Variants in CSRP1 observed in about 807,000 individuals in gnomAD.
CSRP1 encodes cysteine and glycine rich protein 1.
CSRP1 carries 16 observed loss-of-function variants against 25.4 expected under a neutral mutation model. The observed-to-expected ratio is 0.63, with a 90% CI of 0.43 to 0.96. The LOEUF is 0.96. Among genes scored for constraint, CSRP1 ranks in the 40% least tolerant of loss-of-function variants. The probability of loss-of-function intolerance (pLI) is 0.00; values close to 1 mark genes in which losing one functional copy is unlikely to be tolerated. For synonymous variants in CSRP1, 97 were observed against 95.3 expected, an observed-to-expected ratio of 1.02 and a Z score of -0.10; for missense variants, 212 against 243.6, an observed-to-expected ratio of 0.87 and a Z score of 0.86.
Position 201,484,795 on chromosome 1 carries a change from G to A in CSRP1, c.506-6C>T. ...GAAGTTTTTAGCATAACATCCTGCA[G>A]AGAGAGGAGAGAGATAAGGGCATGT... On this transcript the variant is annotated splice_polypyrimidine_tract_variant and splice_region_variant and intron_variant, in intron 5 of 5. Transcript: ENST00000340006. 5 of 1,609,574 alleles carry A rather than the reference G, an allele frequency of 3.1e-6. No homozygotes were observed. Among genetic ancestry groups the A allele is most frequent in the Non-Finnish European group, 3.4e-6 (4 of 1,178,704 alleles).
intron 1 of CSRP1, among the ~76,000 whole-genome samples, chr1:201,500,961 T>G (rs950254447): frequency 2.0e-5 from 3 of 152,224 alleles, no homozygotes; most frequent in African/African-American, 7.2e-5. Flanking sequence ...GAGTTCAGGC[T>G]GTACAGGTCA....
chr1:201,490,353 G>T lies in CSRP1; in HGVS notation c.113-9C>A. 1.9e-6 allele frequency: 3 copies of T among 1,612,262 alleles called. No individual in the cohort carries two copies. In the South Asian group the frequency reaches 3.3e-5, roughly 18 times the overall value. On this transcript the variant is annotated splice_polypyrimidine_tract_variant and intron_variant, in intron 2 of 5. Transcript: ENST00000340006. ...ATTCTTCTTGCAGACCACTGTGGAG[G>T]GGAAGGGGAAGCGGACGCATTGAGT...
At chr1:201,490,691 T>C (rs1018764846) in intron 2 of CSRP1, 1 of 194,026 alleles carries the variant, frequency 5.2e-6, no homozygotes, top group Non-Finnish European at 1.1e-5. Flanking sequence ...ACAGGACGCC[T>C]GTTGAGGTTC....
At chr1:201,488,590 T>G (rs1392300647) in intron 4 of CSRP1, 1 of 296,418 alleles carries the variant, frequency 3.4e-6, no homozygotes, top group African/African-American at 2.1e-5. Context: ...TTCTCCTATA[T>G]TAGAGATACA....
chr1:201,496,137 G>A, intron 2 of CSRP1, 55 bp downstream of exon 2: 2 of 1,379,372 alleles, frequency 1.4e-6, no homozygotes, highest in East Asian at 4.6e-5. Context: ...GCCTGTGGGG[G>A]CAGGCCCGTC....
At chr1:201,491,236 G>C (rs530320625) in intron 2 of CSRP1, 1 of 152,268 alleles carries the variant, frequency 6.6e-6, no homozygotes, top group South Asian at 2.1e-4. Context: ...TTTGAGATCA[G>C]CCTGGGGAAG....
intron 1 of CSRP1, 81 bp from the exon 2 acceptor site, chr1:201,496,385 G>T: frequency 8.5e-7 from 1 of 1,178,706 alleles, no homozygotes; most frequent in Non-Finnish European, 1.3e-6. Context: ...AAATGCAACA[G>T]CCAGATCCAG....
intron 1 of CSRP1, among the ~76,000 whole-genome samples, chr1:201,501,767 C>CG (rs1664676049): frequency 6.6e-6 from 1 of 151,992 alleles, no homozygotes; most frequent in African/African-American, 2.4e-5. Context: ...CTGAGGCAGG[C>CG]GGATCACTTG....
intron 1 of CSRP1, among the ~76,000 whole-genome samples, chr1:201,502,699 T>C (rs1233112622): frequency 3.9e-5 from 6 of 152,212 alleles, no homozygotes; most frequent in Non-Finnish European, 8.8e-5. Flanking sequence ...TCAGGAATCC[T>C]TCTCTCTATT....
intron 4 of CSRP1, 184 bp downstream of exon 4, chr1:201,488,671 G>C: frequency 1.7e-6 from 1 of 576,486 alleles, no homozygotes; most frequent in South Asian, 2.1e-5. Context: ...GCTCATGGCT[G>C]ATATGAGCTC....
At chr1:201,499,323 CCTTCCCCAGATGGAGGAACAGAGCCT>C (rs1361239889) in intron 1 of CSRP1, among the ~76,000 whole-genome samples, 1 of 152,194 alleles carries the variant, frequency 6.6e-6, no homozygotes, top group Non-Finnish European at 1.5e-5. Context: ...GGGAGATGCC[CCTTCCCCAGATGGAGGAACAGAGCCT>C]CTGTCCCCTA....
At chr1:201,494,843 T>C (rs34238424) in intron 2 of CSRP1, among the ~76,000 whole-genome samples, 42,784 of 120,446 alleles carry the variant, frequency 0.36, 6,344 homozygotes, top group East Asian at 0.63. Context: ...TGTGTGTGCG[T>C]GTGCACGTGT....
chr1:201,493,268 A>C (rs1448228467), intron 2 of CSRP1, among the ~76,000 whole-genome samples: 2 of 152,142 alleles, frequency 1.3e-5, no homozygotes, highest in Non-Finnish European at 2.9e-5. Context: ...CTATGACATC[A>C]TCATGTCTTC....
chr1:201,501,518 G>A (rs1401210712), intron 1 of CSRP1, among the ~76,000 whole-genome samples: 1 of 152,214 alleles, frequency 6.6e-6, no homozygotes, highest in Non-Finnish European at 1.5e-5. Context: ...CTAGAAGCCT[G>A]CTGTGTCTGC....
chr1:201,504,549 C>T (rs892918694), intron 1 of CSRP1, among the ~76,000 whole-genome samples: 2 of 151,866 alleles, frequency 1.3e-5, no homozygotes, highest in African/African-American at 4.9e-5. Context: ...ATCTAGCAAG[C>T]CAACGTTTCA....
At chr1:201,501,569 C>T (rs1664670084) in intron 1 of CSRP1, among the ~76,000 whole-genome samples, 1 of 152,244 alleles carries the variant, frequency 6.6e-6, no homozygotes, top group East Asian at 1.9e-4. Flanking sequence ...TAGGACTGTA[C>T]CCAGATCCCC....
Position 201,484,411 on chromosome 1 carries a change from G to A in CSRP1, c.*302C>T. 1.9e-6 allele frequency: 1 copy of A among 515,342 alleles called. No homozygotes were observed. The highest frequency in any genetic ancestry group is 3.5e-6 in the Non-Finnish European group (1 of 288,078). The allele number at this position is 515,342 out of a possible 1,614,324, so 31.9% of individuals were successfully genotyped here. A position where few individuals can be genotyped will look rare whatever the true frequency, so the allele number is the denominator to read the frequency against. Reference sequence around the variant, plus strand: ...AGCTGATGATGGACACGCAGCACAGGAGGCTAAGAACAGAGCTCTGTGGGG... The same window carrying A: ...AGCTGATGATGGACACGCAGCACAGAAGGCTAAGAACAGAGCTCTGTGGGG... On this transcript the variant is annotated 3_prime_UTR_variant, in exon 6 of 6. Coordinates refer to ENST00000340006, the MANE Select transcript of CSRP1 (RefSeq NM_004078.3).
intron 1 of CSRP1, among the ~76,000 whole-genome samples, chr1:201,506,159 A>T (rs1664817504): frequency 6.6e-6 from 1 of 152,150 alleles, no homozygotes. Flanking sequence ...TCTTCATGAT[A>T]TACTGATATA....
rs907721382 is a variant in CSRP1, at chr1:201,502,889, C to G, written c.-2+4181G>C. On this transcript the variant is annotated intron_variant, in intron 1 of 5. Transcript: ENST00000340006. ...GTGGCTCATTCCTATAATCCTAGCACTTGGGGAGGCTGAGGTGGGTGGATC... is the reference window on the plus strand; with the variant it reads ...GTGGCTCATTCCTATAATCCTAGCAGTTGGGGAGGCTGAGGTGGGTGGATC... Among the ~76,000 whole-genome samples, 3 of 151,702 alleles carry G rather than the reference C, an allele frequency of 2.0e-5. No individual in the cohort carries two copies. The East Asian group carries it at 5.8e-4, about 29-fold the overall frequency.
Sources: allele counts gnomAD v4.1 joint callset (sites outside exome capture counted in the v4.1 genomes callset), GRCh38; gene constraint gnomAD v4.1.1; transcripts MANE v1.5; gene names NCBI Gene and HGNC (gene_info 2026-07-23, HGNC 2026-07-21).